Variants in MDN1 observed in about 807,000 individuals in gnomAD.
The protein encoded by MDN1 is midasin.
MDN1 carries 266 observed loss-of-function variants against 669.2 expected under a neutral mutation model. That is an observed-to-expected ratio of 0.40 (90% CI 0.36 to 0.44). The LOEUF (loss-of-function observed/expected upper bound fraction) is 0.44, where lower values mean the gene tolerates loss of function less well. Ranked by LOEUF, MDN1 falls within the 20% of genes least tolerant of loss-of-function variation. The probability of loss-of-function intolerance (pLI) is 1.00; values close to 1 mark genes in which losing one functional copy is unlikely to be tolerated. For missense variants in MDN1, 5,940 were observed against 6,754.0 expected, an observed-to-expected ratio of 0.88 and a Z score of 4.22; for synonymous variants, 2,385 against 2,457.1, an observed-to-expected ratio of 0.97 and a Z score of 0.87.
chr6:89,683,936 T>C, intron 71 of MDN1, 32 bp from the exon 72 acceptor site: 1 of 1,505,724 alleles, frequency 6.6e-7, no homozygotes, highest in Admixed American at 1.7e-5. Flanking sequence ...AGAAATGGCT[T>C]TATAAAGCTA....
At chr6:89,728,003 C>A in intron 36 of MDN1, 48 bp from the exon 37 acceptor site, 1 of 1,559,714 alleles carries the variant, frequency 6.4e-7, no homozygotes, top group South Asian at 1.2e-5. Context: ...CTTTAAAAAT[C>A]AACTGGATTC....
intron 73 of MDN1, among the ~76,000 whole-genome samples, chr6:89,681,200 G>A (rs368785973): frequency 6.6e-6 from 1 of 151,628 alleles, no homozygotes; most frequent in East Asian, 1.9e-4. Context: ...TTGAGACAGG[G>A]TCTGGCTTTG....
intron 33 of MDN1, among the ~76,000 whole-genome samples, chr6:89,737,338 C>CA (rs773326739): frequency 6.6e-6 from 1 of 151,966 alleles, no homozygotes; most frequent in East Asian, 1.9e-4. Context: ...TGGTAGGGCA[C>CA]CTTTAAAAAG....
chr6:89,790,241 A>G lies in MDN1; in HGVS notation c.1016T>C (p.Val339Ala). 6.2e-7 allele frequency: 1 copy of G among 1,614,176 alleles called. No homozygotes were observed. Among genetic ancestry groups the G allele is most frequent in the Non-Finnish European group, 8.5e-7 (1 of 1,180,020 alleles). Residue 339 changes from valine (V) to alanine (A), a missense_variant, in exon 6 of 102, where the codon GTT becomes GCT. Val to Ala is a moderately conservative substitution (Grantham distance 64). This residue lies in a region of MDN1 where 1,203 missense variants were observed against 1,268.9 expected (regional missense o/e 0.95). Coordinates refer to ENST00000369393, the MANE Select transcript of MDN1 (RefSeq NM_014611.3). The stretch of plus-strand genomic sequence containing the variant: ...ACCTGTCACTGCAGCTAAATATTCA[A>G]CTAAGGAAGTTTTGCCACATCCTAT... Reference protein sequence around the residue: ...GPIGCGKTSLVEYLAAVTGRT... With the variant: ...GPIGCGKTSLAEYLAAVTGRT...
chr6:89,758,888 T>C lies in MDN1; in HGVS notation c.2533A>G (p.Ile845Val). ...AGCAAACCACTCAGACATTCTAGTA[T>C]TTCTGGAGCAGCCAAGTTAATCTCA... Reference protein sequence around the residue: ...LDEINLAAPEILECLSGLLEG... With the variant: ...LDEINLAAPEVLECLSGLLEG... Residue 845 changes from isoleucine to valine, a missense_variant, in exon 18 of 102, where the codon ATA (isoleucine) becomes GTA (valine). By Grantham distance (29) the Ile-to-Val change is conservative (BLOSUM62 3). Coordinates refer to ENST00000369393, the MANE Select transcript of MDN1 (RefSeq NM_014611.3). The C allele has an allele frequency of 4.3e-6, 7 of 1,614,150 alleles. No homozygotes were observed. Among genetic ancestry groups the C allele is most frequent in the South Asian group, 1.1e-5 (1 of 91,086 alleles).
Position 89,652,985 on chromosome 6 carries a change from T to A in MDN1, c.15825+7A>T. ...ATATTAATGCAGTAATTTGTGAGTT[T>A]TACTACCTGGAAGATCGTGTCCATG... On this transcript the variant is annotated splice_region_variant and intron_variant, in intron 94 of 101. Coordinates refer to ENST00000369393, the MANE Select transcript of MDN1 (RefSeq NM_014611.3). The A allele has an allele frequency of 6.2e-7, 1 of 1,611,248 alleles. No individual in the cohort carries two copies. Among genetic ancestry groups the A allele is most frequent in the Non-Finnish European group, 8.5e-7 (1 of 1,179,266 alleles).
intron 76 of MDN1, among the ~76,000 whole-genome samples, chr6:89,676,785 A>T (rs1433375036): frequency 6.6e-6 from 1 of 152,200 alleles, no homozygotes; most frequent in Non-Finnish European, 1.5e-5. Flanking sequence ...AATAAAACAC[A>T]CATGTGTACT....
chr6:89,814,214 C>A (rs1768653257), intron 1 of MDN1, among the ~76,000 whole-genome samples: 1 of 152,112 alleles, frequency 6.6e-6, no homozygotes, highest in South Asian at 2.1e-4. Context: ...GGTGGTCAGA[C>A]ACGCCTCATT....
At chr6:89,706,004 T>C in intron 53 of MDN1, 55 bp downstream of exon 53, 1 of 1,480,334 alleles carries the variant, frequency 6.8e-7, no homozygotes, top group Non-Finnish European at 9.1e-7. Flanking sequence ...AGAATCTTTA[T>C]GCCAAGAAAG....
chr6:89,744,878 T>A lies in MDN1; in HGVS notation c.4178+395A>T, dbSNP rs901784240. Among the ~76,000 whole-genome samples, 4 of 151,362 alleles carry A rather than the reference T, an allele frequency of 2.6e-5. No individual in the cohort carries two copies. In the East Asian group the frequency reaches 7.8e-4, roughly 29 times the overall value. On this transcript the variant is annotated intron_variant, in intron 29 of 101. Transcript: ENST00000369393. ...GCCTGGACAACAGAGTGAGACCCCA[T>A]CTCCAAAAATAATAATAATAAAGCC...
chr6:89,818,681 T>C (rs992494139), intron 1 of MDN1, among the ~76,000 whole-genome samples: 2 of 151,190 alleles, frequency 1.3e-5, no homozygotes, highest in African/African-American at 4.9e-5. Context: ...ATGGTGGCGC[T>C]CGCCTGTAAT....
At chr6:89,803,006 G>A (rs553197940) in intron 2 of MDN1, among the ~76,000 whole-genome samples, 1 of 152,282 alleles carries the variant, frequency 6.6e-6, no homozygotes, top group East Asian at 1.9e-4. Context: ...GATGCTGTAA[G>A]AGCCTCAGTT....
Position 89,698,956 on chromosome 6 carries a change from G to T in MDN1, c.9077C>A (p.Thr3026Asn). The T allele has an allele frequency of 1.2e-6, 2 of 1,614,042 alleles. No individual in the cohort carries two copies. The highest frequency in any genetic ancestry group is 1.7e-6 in the Non-Finnish European group (2 of 1,179,970). The change falls in exon 59 of 102, where the codon ACC (threonine) becomes AAC (asparagine). Residue 3026 changes from threonine to asparagine, a missense_variant. This residue lies in a region of MDN1 where 2,292 missense variants were observed against 2,638.3 expected (regional missense o/e 0.87). Transcript: ENST00000369393. ...CATTAGCCAGTACTCTGGATTTGTG[G>T]TCACAGTACTGCTCCAGAAAGACAT... is the stretch of plus-strand genomic sequence containing the variant. ...MFMSFWSSTV[T>N]TNPEYWLMWN...
At chr6:89,747,179 A>T in intron 27 of MDN1, 150 bp downstream of exon 27, 1 of 880,098 alleles carries the variant, frequency 1.1e-6, no homozygotes, top group Non-Finnish European at 1.7e-6. Flanking sequence ...AAGATCACTT[A>T]CAAAAGCTGT....
rs553955533 is a variant in MDN1 at position 89,730,385 on chromosome 6, T to G, written c.5140+341A>C. ...TGTATAGTTAAGATACATTATAGGC[T>G]AAATAGGTCTTTGCAAGCCACTTAA... On this transcript the variant is annotated intron_variant, in intron 35 of 101. Coordinates refer to ENST00000369393, the MANE Select transcript of MDN1 (RefSeq NM_014611.3). Among the ~76,000 whole-genome samples the G allele has an allele frequency of 2.0e-5, 3 of 152,342 alleles. No homozygotes were observed. In the East Asian group the frequency reaches 5.8e-4, roughly 29 times the overall value.
chr6:89,758,155 G>C (rs1284531911), intron 19 of MDN1, 100 bp downstream of exon 19: 1 of 870,244 alleles, frequency 1.1e-6, no homozygotes, highest in East Asian at 2.7e-5. Flanking sequence ...TTGAACCGGG[G>C]ACTTGCAGTG....
chr6:89,727,431 C>A (rs139201914), intron 37 of MDN1, among the ~76,000 whole-genome samples: 1 of 152,154 alleles, frequency 6.6e-6, no homozygotes, highest in African/African-American at 2.4e-5. Context: ...CATAACGGAT[C>A]GTTTCCTCAT....
Position 89,787,957 on chromosome 6 carries a change from C to T in MDN1, c.1231G>A (p.Val411Ile). The T allele has an allele frequency of 3.7e-6, 6 of 1,611,096 alleles. No individual in the cohort carries two copies. The highest frequency in any genetic ancestry group is 5.1e-6 in the Non-Finnish European group (6 of 1,178,540). The change falls in exon 8 of 102, where the codon GTT becomes ATT. Residue 411 changes from valine (V) to isoleucine (I), a missense_variant and splice_region_variant. Coordinates refer to ENST00000369393, the MANE Select transcript of MDN1 (RefSeq NM_014611.3). ...EDIDYAPLDV[V>I]SVLIPLLENG... is the part of the protein sequence containing the mutation. ...TCCAAGAGAGGGATCAGCACAGAAA[C>T]CTAAATCAGATAACAACAACCGCAC...
chr6:89,734,669 A>AG (rs1491198255), intron 33 of MDN1, among the ~76,000 whole-genome samples: 2 of 114,108 alleles, frequency 1.8e-5, no homozygotes, highest in African/African-American at 3.3e-5. Flanking sequence ...CAAAGGAAGA[A>AG]GAAAAAAAAA....
Sources: allele counts gnomAD v4.1 joint callset (sites outside exome capture counted in the v4.1 genomes callset), GRCh38; gene constraint gnomAD v4.1.1; regional missense constraint gnomAD v4.1.1; transcripts MANE v1.5; gene names NCBI Gene and HGNC (gene_info 2026-07-23, HGNC 2026-07-21).